Variants in CBL observed in about 807,000 individuals in gnomAD.
CBL encodes the protein Cbl proto-oncogene, also known as E3 ubiquitin-protein ligase CBL.
Under a neutral mutation model 96.9 loss-of-function variants are expected in CBL, and 45 were observed. The ratio of observed to expected loss-of-function variants is 0.46; its 90% CI spans 0.37 to 0.60. The LOEUF is 0.60. Among genes scored for constraint, CBL ranks in the 20% least tolerant of loss-of-function variants. The pLI, the probability that CBL is intolerant of heterozygous loss-of-function variation, is 0.00. For synonymous variants in CBL, 420 were observed against 426.8 expected, an observed-to-expected ratio of 0.98 and a Z score of 0.20; for missense variants, 1,024 against 1,143.5, an observed-to-expected ratio of 0.90 and a Z score of 1.51.
chr11:119,221,238 A>C (rs1949408185), intron 1 of CBL, among the ~76,000 whole-genome samples: 1 of 149,608 alleles, frequency 6.7e-6, no homozygotes, highest in Non-Finnish European at 1.5e-5. Flanking sequence ...GCGAGACTCC[A>C]TCTCAGAAAA....
intron 2 of CBL, among the ~76,000 whole-genome samples, chr11:119,246,744 G>T (rs755493356): frequency 2.0e-5 from 3 of 152,116 alleles, no homozygotes; most frequent in African/African-American, 4.8e-5. Flanking sequence ...GAGCCAGTGC[G>T]CCCAGGCGAG....
chr11:119,223,443 A>T, intron 1 of CBL, among the ~76,000 whole-genome samples: 1 of 150,172 alleles, frequency 6.7e-6, no homozygotes, highest in Non-Finnish European at 1.5e-5. Flanking sequence ...ATGTTATTTT[A>T]TTTTAAGACA....
chr11:119,256,715 C>T (rs1439053347), intron 2 of CBL, among the ~76,000 whole-genome samples: 2 of 150,916 alleles, frequency 1.3e-5, no homozygotes, highest in African/African-American at 4.9e-5. Context: ...CCCTCCCTGC[C>T]CTCCCACCTC....
intron 2 of CBL, among the ~76,000 whole-genome samples, chr11:119,263,275 G>A (rs1949768442): frequency 1.3e-5 from 2 of 152,176 alleles, no homozygotes; most frequent in African/African-American, 4.8e-5. Flanking sequence ...CAGGTCAGCA[G>A]TTTGAACTTT....
Position 119,287,932 on chromosome 11 carries a change from T to A in CBL, c.2022T>A (p.Tyr674Ter). Residue 674 changes from tyrosine (Y) to a stop codon, truncating the protein, a stop_gained, in exon 12 of 16, where the codon TAT becomes TAA. Transcript: ENST00000264033. LOFTEE classifies it high-confidence loss of function. ...CTTCCTCATCTGCCAATGCCATTTA[T>A]TCTCTGGCTGCCAGGTAAGTCTGCT... ...IKPSSSANAI[Y>*]SLAARPLPVP... 6.2e-7 allele frequency: 1 copy of A among 1,612,078 alleles called. No homozygotes were observed. Among genetic ancestry groups the A allele is most frequent in the Non-Finnish European group, 8.5e-7 (1 of 1,178,076 alleles).
In CBL at chr11:119,301,033, G is replaced by A. The variant is rs961476506; in HGVS notation, c.*1252G>A. 3.0e-5 allele frequency: 7 copies of A among 233,364 alleles called. No homozygotes were observed. Among genetic ancestry groups the A allele is most frequent in the Non-Finnish European group, 5.1e-5 (6 of 118,206 alleles). The allele number at this position is 233,364 out of a possible 1,614,324, so 14.5% of individuals were successfully genotyped here. On this transcript the variant is annotated 3_prime_UTR_variant, in exon 16 of 16. Transcript: ENST00000264033. ...TTGCCCTTTAAGGAGTGGGGATAAT[G>A]TCCACGGTGGCCCAGCCTCTTGCTG... is the stretch of plus-strand genomic sequence containing the variant.
At chr11:119,249,529 G>T (rs1210045392) in intron 2 of CBL, among the ~76,000 whole-genome samples, 3 of 141,170 alleles carry the variant, frequency 2.1e-5, no homozygotes, top group Non-Finnish European at 4.5e-5. Flanking sequence ...TCCAGCGTGG[G>T]TGACAGAGTG....
rs895127210 is a variant in CBL at position 119,300,992 on chromosome 11, G to A, written c.*1211G>A. ...TGAGGAATATTAGGTTATATTTTCA[G>A]CAGTGGTTTTTTCCTTTGCCCTTTA... On this transcript the variant is annotated 3_prime_UTR_variant, in exon 16 of 16. Coordinates refer to ENST00000264033, the MANE Select transcript of CBL (RefSeq NM_005188.4). 1.3e-5 allele frequency: 3 copies of A among 234,782 alleles called. No homozygotes were observed. Among genetic ancestry groups the A allele is most frequent in the Non-Finnish European group, 2.5e-5 (3 of 119,188 alleles). 14.5% of individuals were successfully genotyped at this position (234,782 alleles called of 1,614,324 possible).
rs2135298998 is a variant in CBL, at chr11:119,273,972, G to A, written c.695G>A (p.Cys232Tyr). 1 of 1,613,888 alleles carries A rather than the reference G, an allele frequency of 6.2e-7. No homozygotes were observed. The highest frequency in any genetic ancestry group is 8.5e-7 in the Non-Finnish European group (1 of 1,179,904). The change falls in exon 4 of 16, where the codon TGC becomes TAC. Residue 232 changes from cysteine (C) to tyrosine (Y), a missense_variant. Coordinates refer to ENST00000264033, the MANE Select transcript of CBL (RefSeq NM_005188.4). The stretch of plus-strand genomic sequence containing the variant: ...CTGAAATCCACTATTGATCTGACCT[G>A]CAATGATTATATTTCGGTTTTTGAA... Reference protein sequence around the residue: ...MALKSTIDLTCNDYISVFEFD... With the variant: ...MALKSTIDLTYNDYISVFEFD...
intron 1 of CBL, among the ~76,000 whole-genome samples, chr11:119,212,435 G>T (rs1191872566): frequency 6.6e-6 from 1 of 150,848 alleles, no homozygotes; most frequent in East Asian, 2.0e-4. Flanking sequence ...AGACCAGCCT[G>T]ACCAACATGG....
chr11:119,242,033 G>T (rs1949590278), intron 2 of CBL, among the ~76,000 whole-genome samples: 1 of 152,198 alleles, frequency 6.6e-6, no homozygotes, highest in Non-Finnish European at 1.5e-5. Context: ...GCTGCTGTCT[G>T]GAAAATAGGT....
rs2227988 is a variant in CBL, at chr11:119,285,483, C to G, written c.1858C>G (p.Leu620Val). The G allele has an allele frequency of 6.2e-7, 1 of 1,614,204 alleles. No homozygotes were observed. Among genetic ancestry groups the G allele is most frequent in the Middle Eastern group, 1.6e-4 (1 of 6,062 alleles). The change falls in exon 11 of 16, where the codon CTT (leucine) becomes GTT (valine). Residue 620 changes from leucine to valine, a missense_variant. Coordinates refer to ENST00000264033, the MANE Select transcript of CBL (RefSeq NM_005188.4). The part of the protein sequence containing the change: ...TGRELTNRHS[L>V]PFSLPSQMEP... ...AAGAGAATTAACCAACCGGCACTCA[C>G]TTCCATTTTCATTGCCCTCACAAAT...
At position 119,263,307 on chromosome 11, in the gene CBL, A is replaced by G. The variant is rs185728951; in HGVS notation, c.444-8428A>G. ...CTTTTTAAGTGGTAATTGAGAAGTC[A>G]TTAAAGATTTTCATGTAGGGGGAGT... On this transcript the variant is annotated intron_variant, in intron 2 of 15. Transcript: ENST00000264033. Among the ~76,000 whole-genome samples, 3 of 152,358 alleles carry G rather than the reference A, an allele frequency of 2.0e-5. No homozygotes were observed. The East Asian group carries it at 5.8e-4, about 29-fold the overall frequency.
chr11:119,227,660 C>T (rs889231349), intron 1 of CBL, among the ~76,000 whole-genome samples: 6 of 151,970 alleles, frequency 3.9e-5, no homozygotes, highest in African/African-American at 1.5e-4. Flanking sequence ...AAGCAATTCT[C>T]CTGCCTCAGC....
At chr11:119,218,518 C>T (rs2135254553) in intron 1 of CBL, among the ~76,000 whole-genome samples, 1 of 152,306 alleles carries the variant, frequency 6.6e-6, no homozygotes, top group East Asian at 1.9e-4. Context: ...CAGAAATAAT[C>T]CATAAGTTTT....
rs533687705 is a variant in CBL at position 119,235,873 on chromosome 11, G to A, written c.443+3178G>A. ...TTTTAATATTTTATGGATTTGATTT[G>A]TACAAATTATATGTAAAATGAGAGT... On this transcript the variant is annotated intron_variant, in intron 2 of 15. Coordinates refer to ENST00000264033, the MANE Select transcript of CBL (RefSeq NM_005188.4). Among the ~76,000 whole-genome samples, 8 of 152,120 alleles carry A rather than the reference G, an allele frequency of 5.3e-5. No homozygotes were observed. In the South Asian group the frequency reaches 1.4e-3, roughly 28 times the overall value.
At chr11:119,242,384 C>A (rs923991016) in intron 2 of CBL, among the ~76,000 whole-genome samples, 1 of 151,650 alleles carries the variant, frequency 6.6e-6, no homozygotes, top group Admixed American at 6.6e-5. Context: ...TCTAAAAATA[C>A]AAAATCAGCT....
At chr11:119,225,897 T>C (rs1052829140) in intron 1 of CBL, among the ~76,000 whole-genome samples, 1 of 151,972 alleles carries the variant, frequency 6.6e-6, no homozygotes, top group African/African-American at 2.4e-5. Context: ...TTGGCTAATT[T>C]TTTGTGTTTT....
At chr11:119,245,170 C>A (rs1486208388) in intron 2 of CBL, among the ~76,000 whole-genome samples, 2 of 121,832 alleles carry the variant, frequency 1.6e-5, no homozygotes, top group East Asian at 6.9e-4. Flanking sequence ...CCTTGCCCGA[C>A]CAGTTTTTTT....
Sources: gnomAD v4.1 joint callset for allele counts (sites outside exome capture counted in the v4.1 genomes callset) on GRCh38, gnomAD v4.1.1 for gene constraint, MANE v1.5 for transcripts, NCBI Gene and HGNC (gene_info 2026-07-23, HGNC 2026-07-21) for gene names.